The following CERCAM variants were observed in gnomAD, a reference collection of about 807,000 sequenced individuals.
CERCAM encodes cerebral endothelial cell adhesion molecule.
CERCAM carries 59 observed loss-of-function variants against 66.0 expected under a neutral mutation model. The ratio of observed to expected loss-of-function variants is 0.89; its 90% CI spans 0.73 to 1.11. The LOEUF (loss-of-function observed/expected upper bound fraction) is 1.11, where lower values mean the gene tolerates loss of function less well. Ranked by LOEUF, CERCAM falls within the 50% of genes most tolerant of loss-of-function variation. The probability of loss-of-function intolerance (pLI) is 0.00; values close to 1 mark genes in which losing one functional copy is unlikely to be tolerated. For synonymous variants in CERCAM, 318 were observed against 343.6 expected (o/e 0.93, Z 0.83); for missense variants, 840 against 828.3 (o/e 1.01, Z -0.17).
rs1220508034 is a variant in CERCAM at position 128,424,143 on chromosome 9, A to G, written c.432A>G (p.Ala144=). 4 of 1,613,870 alleles carry G rather than the reference A, an allele frequency of 2.5e-6. No individual in the cohort carries two copies. In the Admixed American group the frequency reaches 6.7e-5, roughly 27 times the overall value. The change falls in exon 4 of 13, where the codon GCA becomes GCG. Residue 144 remains alanine (A), a synonymous_variant. Transcript: ENST00000372838. Reference sequence around the variant, plus strand: ...GTGACGTCCCCTCCTCAAAGTTTGCAGACACAGACAACATTCTGACCAACA... The same window carrying G: ...GTGACGTCCCCTCCTCAAAGTTTGCGGACACAGACAACATTCTGACCAACA... ...RNWGADYILF[A]DTDNILTNNQ...
At position 128,435,735 on chromosome 9, in the gene CERCAM, G is replaced by A. The variant is rs1224245872; in HGVS notation, c.1618G>A (p.Ala540Thr). The change falls in exon 12 of 13, where the codon GCC becomes ACC. Residue 540 changes from alanine (A) to threonine (T), a missense_variant. By Grantham distance (58) the Ala-to-Thr change is moderately conservative. Transcript: ENST00000372838. ...CCTGCTCGCTGCCCCTACCCACTAT[G>A]CCGGGGACGCCGAGTGGCTCAGTGA... ...QPLLAAPTHY[A>T]GDAEWLSDTE... 1.2e-6 allele frequency: 2 copies of A among 1,613,530 alleles called. No individual in the cohort carries two copies. Among genetic ancestry groups the A allele is most frequent in the East Asian group, 2.2e-5 (1 of 44,884 alleles).
At chr9:128,435,334 A>C (rs1168676148) in intron 11 of CERCAM, among the ~76,000 whole-genome samples, 1 of 151,966 alleles carries the variant, frequency 6.6e-6, no homozygotes, top group East Asian at 1.9e-4. Context: ...GGGTTTTGCC[A>C]TGTTGGTCAG....
In CERCAM at chr9:128,421,036, G is replaced by A; in HGVS notation, c.159G>A (p.Leu53=). Reference sequence around the variant, plus strand: ...CGCTGCCCCACTACCTGGGCGCTCTGGAGCGGCTGGACTACCCCCGGGCCA... The same window carrying A: ...CGCTGCCCCACTACCTGGGCGCTCTAGAGCGGCTGGACTACCCCCGGGCCA... The part of the protein sequence containing the change: ...EHSLPHYLGA[L]ERLDYPRARM... The change falls in exon 1 of 13, where the codon CTG becomes CTA. Residue 53 remains leucine (L), a synonymous_variant. Coordinates refer to ENST00000372838, the MANE Select transcript of CERCAM (RefSeq NM_016174.5). 7.1e-7 allele frequency: 1 copy of A among 1,414,252 alleles called. No homozygotes were observed. The highest frequency in any genetic ancestry group is 9.2e-7 in the Non-Finnish European group (1 of 1,082,410). The allele number at this position is 1,414,252 out of a possible 1,614,324, so 87.6% of individuals were successfully genotyped here. A position where few individuals can be genotyped will look rare whatever the true frequency, so the allele number is the denominator to read the frequency against.
chr9:128,422,580 T>C (rs540604620), intron 1 of CERCAM: 149 of 338,960 alleles, frequency 4.4e-4, no homozygotes, highest in African/African-American at 2.9e-3. Flanking sequence ...AAAAAATGCA[T>C]TATTCTTCTC....
chr9:128,423,106 G>A, intron 2 of CERCAM, 40 bp from the exon 3 acceptor site: 1 of 1,611,114 alleles, frequency 6.2e-7, no homozygotes, highest in Non-Finnish European at 8.5e-7. Flanking sequence ...AGAGGGAGGG[G>A]CATGTACCCC....
chr9:128,434,078 C>T lies in CERCAM; in HGVS notation c.1204-24C>T, dbSNP rs570001214. ...GGGTTGTTTAACTCCGAAGAGCCAT[C>T]TCCCACCCCATTGTATGCCACAGGT... On this transcript the variant is annotated intron_variant, in intron 9 of 12. Coordinates refer to ENST00000372838, the MANE Select transcript of CERCAM (RefSeq NM_016174.5). This position sits in a 1 kb window ranked among gnomAD's most constrained non-coding sequence, Gnocchi z 4.5. 1 of 1,613,256 alleles carries T rather than the reference C, an allele frequency of 6.2e-7. No individual in the cohort carries two copies. The highest frequency in any genetic ancestry group is 1.1e-5 in the South Asian group (1 of 90,940).
chr9:128,434,172 GGCGGCTGGA>G lies in CERCAM; in HGVS notation c.1282_1290del (p.Glu428_Leu430del). 1 of 1,614,194 alleles carries G rather than the reference GGCGGCTGGA, an allele frequency of 6.2e-7. No individual in the cohort carries two copies. The highest frequency in any genetic ancestry group is 1.1e-5 in the South Asian group (1 of 91,084). On this transcript the variant is annotated inframe_deletion, in exon 10 of 13. Coordinates refer to ENST00000372838, the MANE Select transcript of CERCAM (RefSeq NM_016174.5). The surrounding 1 kb of genome is among the most constrained non-coding windows in gnomAD (Gnocchi z 4.5). The stretch of plus-strand genomic sequence containing the variant: ...GTGCGCTTTGAGAGCAACTTCAGGG[GGCGGCTGGA>G]GCGGCTGATGGAGGATGTGGAGGCA...
Position 128,424,169 on chromosome 9 carries a change from A to C in CERCAM, c.458A>C (p.Asn153Thr), listed in dbSNP as rs779190766. The C allele has an allele frequency of 1.9e-6, 3 of 1,614,180 alleles. No individual in the cohort carries two copies. Among genetic ancestry groups the C allele is most frequent in the Admixed American group, 1.7e-5 (1 of 60,020 alleles). Residue 153 changes from asparagine (N) to threonine (T), a missense_variant, in exon 4 of 13, where the codon AAT becomes ACT. Physicochemically the swap from Asn to Thr is moderately conservative, Grantham distance 65. Transcript: ENST00000372838. ...FADTDNILTN[N>T]QTLRLLMGQG... ...GACACAGACAACATTCTGACCAACA[A>C]TCAGACTCTGCGGCTTCTCATGGGG...
chr9:128,423,627 A>G (rs1287389688), intron 3 of CERCAM, among the ~76,000 whole-genome samples: 5 of 151,914 alleles, frequency 3.3e-5, no homozygotes, highest in Admixed American at 2.0e-4. Flanking sequence ...CAAAAAAAAA[A>G]AAAAAAGAAA....
chr9:128,424,726 T>G (rs1588617087), intron 5 of CERCAM, 112 bp downstream of exon 5: 1 of 1,001,638 alleles, frequency 1.0e-6, no homozygotes, highest in Non-Finnish European at 1.5e-6. Context: ...TGTTAACCCA[T>G]GAGTTACAAC....
Position 128,434,326 on chromosome 9 carries a change from C to G in CERCAM, c.1332-84C>G. On this transcript the variant is annotated intron_variant, in intron 10 of 12. Coordinates refer to ENST00000372838, the MANE Select transcript of CERCAM (RefSeq NM_016174.5). This position sits in a 1 kb window ranked among gnomAD's most constrained non-coding sequence, Gnocchi z 4.5. ...CCCTGGCCGGCCCATCCCCTGAGAG[C>G]CTGGCCCTGTAGGAGCGGGTGTGGG... 6.2e-7 allele frequency: 1 copy of G among 1,601,932 alleles called. No homozygotes were observed. Among genetic ancestry groups the G allele is most frequent in the Non-Finnish European group, 8.5e-7 (1 of 1,171,934 alleles).
At chr9:128,420,778 T>C, upstream of CERCAM, 1 of 377,932 alleles carries the variant, frequency 2.6e-6, no homozygotes, top group Admixed American at 5.1e-5. The surrounding 1 kb of genome is among the most constrained non-coding windows in gnomAD (Gnocchi z 5.0). Context: ...CCCCGCCCTC[T>C]CCGGGTCTGC....
chr9:128,423,975 G>A (rs1179820217), intron 3 of CERCAM, 163 bp from the exon 4 acceptor site: 6 of 754,270 alleles, frequency 8.0e-6, no homozygotes, highest in African/African-American at 1.8e-5. Context: ...CCAGACTAGA[G>A]CCTTGGTCCA....
intron 12 of CERCAM, 119 bp downstream of exon 12, chr9:128,436,024 C>G (rs1834105937): frequency 1.8e-6 from 2 of 1,116,676 alleles, no homozygotes; most frequent in African/African-American, 1.6e-5. Flanking sequence ...CCCTCTCCAT[C>G]TCTAGCTTTG....
chr9:128,424,510 T>G lies in CERCAM; in HGVS notation c.662T>G (p.Leu221Arg). Residue 221 changes from leucine to arginine, a missense_variant, in exon 5 of 13, where the codon CTG becomes CGG. By Grantham distance (102) the Leu-to-Arg change is moderately radical. Coordinates refer to ENST00000372838, the MANE Select transcript of CERCAM (RefSeq NM_016174.5). Reference sequence around the variant, plus strand: ...GTCCACTCCACCTTCCTTGCATCCCTGCGGGCTGAAGGGGCAGACCAGCTT... The same window carrying G: ...GTCCACTCCACCTTCCTTGCATCCCGGCGGGCTGAAGGGGCAGACCAGCTT... ...PMVHSTFLAS[L>R]RAEGADQLAF... 1 of 1,614,000 alleles carries G rather than the reference T, an allele frequency of 6.2e-7. No individual in the cohort carries two copies. The highest frequency in any genetic ancestry group is 1.1e-5 in the South Asian group (1 of 91,068).
intron 6 of CERCAM, 114 bp from the exon 7 acceptor site, chr9:128,428,643 C>A: frequency 1.6e-6 from 2 of 1,251,264 alleles, no homozygotes; most frequent in Non-Finnish European, 1.2e-6. Flanking sequence ...GAGGTCCCGT[C>A]CTGTGGGGTG....
Position 128,434,170 on chromosome 9 carries a change from G to C in CERCAM, c.1272G>C (p.Arg424Ser). The C allele has an allele frequency of 6.2e-7, 1 of 1,614,160 alleles. No individual in the cohort carries two copies. The highest frequency in any genetic ancestry group is 8.5e-7 in the Non-Finnish European group (1 of 1,180,022). The part of the protein sequence containing the change: ...EDDVRFESNF[R>S]GRLERLMEDV... ...ACGTGCGCTTTGAGAGCAACTTCAGGGGGCGGCTGGAGCGGCTGATGGAGG... is the reference window on the plus strand; with the variant it reads ...ACGTGCGCTTTGAGAGCAACTTCAGCGGGCGGCTGGAGCGGCTGATGGAGG... Residue 424 changes from arginine (R) to serine (S), a missense_variant, in exon 10 of 13, where the codon AGG becomes AGC. By Grantham distance (110) the Arg-to-Ser change is moderately radical. Coordinates refer to ENST00000372838, the MANE Select transcript of CERCAM (RefSeq NM_016174.5). This position sits in a 1 kb window ranked among gnomAD's most constrained non-coding sequence, Gnocchi z 4.5.
chr9:128,426,785 C>T (rs2131333162), intron 5 of CERCAM, among the ~76,000 whole-genome samples: 1 of 152,156 alleles, frequency 6.6e-6, no homozygotes, highest in South Asian at 2.1e-4. Flanking sequence ...TTAGAGGTGA[C>T]GATTTAATCA....
In CERCAM at chr9:128,434,516, C is replaced by G; in HGVS notation, c.1438C>G (p.Arg480Gly). ...YSYWTLAYAL[R>G]LAGARKLLAS... is the part of the protein sequence containing the mutation. Reference sequence around the variant, plus strand: ...CTACTGGACGCTGGCCTATGCCCTGCGTCTGGCGGGTGCCCGCAAGCTGCT... The same window carrying G: ...CTACTGGACGCTGGCCTATGCCCTGGGTCTGGCGGGTGCCCGCAAGCTGCT... The change falls in exon 11 of 13, where the codon CGT becomes GGT. Residue 480 changes from arginine to glycine, a missense_variant. By Grantham distance (125) the Arg-to-Gly change is moderately radical. Transcript: ENST00000372838. This position sits in a 1 kb window ranked among gnomAD's most constrained non-coding sequence, Gnocchi z 4.5. 1 of 1,613,212 alleles carries G rather than the reference C, an allele frequency of 6.2e-7. No homozygotes were observed. The highest frequency in any genetic ancestry group is 8.5e-7 in the Non-Finnish European group (1 of 1,179,980).
Sources: allele counts gnomAD v4.1 joint callset (sites outside exome capture counted in the v4.1 genomes callset), GRCh38; gene constraint gnomAD v4.1.1; non-coding constraint Gnocchi (gnomAD v3.1); transcripts MANE v1.5; gene names NCBI Gene and HGNC (gene_info 2026-07-23, HGNC 2026-07-21).